NR6A1: variants seen among roughly 807,000 people sequenced by gnomAD.
The protein encoded by NR6A1 is nuclear receptor subfamily 6 group A member 1.
Under a neutral mutation model 59.1 loss-of-function variants are expected in NR6A1, and 7 were observed. That is an observed-to-expected ratio of 0.12 (90% CI 0.07 to 0.22). The LOEUF (loss-of-function observed/expected upper bound fraction) is 0.22. NR6A1 is among the 10% of genes least tolerant of loss of function. The pLI is 1.00. For missense variants in NR6A1, 468 were observed against 611.6 expected, an observed-to-expected ratio of 0.77 and a Z score of 2.48; for synonymous variants, 243 against 236.1, an observed-to-expected ratio of 1.03 and a Z score of -0.27.
chr9:124,561,914 A>T (rs941754233), intron 2 of NR6A1, among the ~76,000 whole-genome samples: 3 of 152,220 alleles, frequency 2.0e-5, no homozygotes, highest in Admixed American at 6.5e-5. Flanking sequence ...TCCGTCTCAA[A>T]AAATAAATAA....
At chr9:124,568,169 C>CA (rs34652433) in intron 2 of NR6A1, among the ~76,000 whole-genome samples, 1,372 of 30,394 alleles carry the variant, frequency 0.045, 253 homozygotes, top group East Asian at 0.13. Flanking sequence ...TACTTCATCT[C>CA]AAAAAAAAAA....
intron 1 of NR6A1, among the ~76,000 whole-genome samples, chr9:124,768,591 T>C (rs1841006818): frequency 6.6e-6 from 1 of 152,198 alleles, no homozygotes; most frequent in African/African-American, 2.4e-5. Flanking sequence ...AAAGAAAACA[T>C]CTGTACCACT....
At chr9:124,767,328 G>C (rs1840962897) in intron 1 of NR6A1, among the ~76,000 whole-genome samples, 4 of 151,978 alleles carry the variant, frequency 2.6e-5, no homozygotes, top group Admixed American at 2.6e-4. Context: ...TTATAGATTA[G>C]GAATCATGTC....
At chr9:124,735,392 G>A (rs1839994975) in intron 1 of NR6A1, among the ~76,000 whole-genome samples, 2 of 152,202 alleles carry the variant, frequency 1.3e-5, no homozygotes, top group South Asian at 2.1e-4. Flanking sequence ...CAAGGCTAGG[G>A]ACTGACTGTG....
intron 4 of NR6A1, among the ~76,000 whole-genome samples, chr9:124,541,362 A>G (rs528242762): frequency 1.3e-5 from 2 of 152,316 alleles, no homozygotes; most frequent in East Asian, 3.9e-4. Context: ...AATGACCAAT[A>G]GGTATATAAA....
At chr9:124,631,399 C>T (rs752280754) in intron 2 of NR6A1, among the ~76,000 whole-genome samples, 16 of 152,114 alleles carry the variant, frequency 1.1e-4, no homozygotes, top group Admixed American at 4.6e-4. Flanking sequence ...AATCTATATA[C>T]AAAATGGTAC....
At chr9:124,557,717 T>C (rs1048712411) in intron 2 of NR6A1, among the ~76,000 whole-genome samples, 3 of 152,206 alleles carry the variant, frequency 2.0e-5, no homozygotes, top group Non-Finnish European at 4.4e-5. Context: ...TGGGATTTCC[T>C]AGAGTGCTGA....
Position 124,538,319 on chromosome 9 carries a change from A to C in NR6A1, c.597T>G (p.Ser199Arg), listed in dbSNP as rs1396744718. 1 of 1,611,400 alleles carries C rather than the reference A, an allele frequency of 6.2e-7. No individual in the cohort carries two copies. Among genetic ancestry groups the C allele is most frequent in the African/African-American group, 1.3e-5 (1 of 74,884 alleles). ...TGAATCCATTCAGTTCCACAGACCTACTGGAGAGAAAAGTCTTGCGTCAAA... is the reference window on the plus strand; with the variant it reads ...TGAATCCATTCAGTTCCACAGACCTCCTGGAGAGAAAAGTCTTGCGTCAAA... ...QPSPGSTLSS[S>R]RSVELNGFMA... Residue 199 changes from serine (S) to arginine (R), a missense_variant and splice_region_variant, in exon 6 of 10, where the codon AGT becomes AGG. This residue lies in a region of NR6A1 where 151 missense variants were observed against 142.8 expected (regional missense o/e 1.06). Transcript: ENST00000487099.
rs62581825 is a variant in NR6A1, at chr9:124,716,654, C to G, written c.142+16654G>C. The stretch of plus-strand genomic sequence containing the variant: ...TTTTATTTATTTATGTTTTTTGAGA[C>G]CAAGTCCCGTTCTGTCATCCAGGCT... On this transcript the variant is annotated intron_variant, in intron 2 of 9. Transcript: ENST00000487099. Among the ~76,000 whole-genome samples the G allele has an allele frequency of 5.8e-3, 880 of 152,194 alleles. 4 individuals carry two copies. The highest frequency in any genetic ancestry group is 0.01 in the Middle Eastern group (3 of 294).
chr9:124,622,130 C>T (rs189493066), intron 2 of NR6A1, among the ~76,000 whole-genome samples: 30 of 152,272 alleles, frequency 2.0e-4, no homozygotes, highest in African/African-American at 7.2e-4. Context: ...GTGAGAGGAT[C>T]GCTTGAGCCT....
chr9:124,560,065 A>T (rs978509346), intron 2 of NR6A1, among the ~76,000 whole-genome samples: 1 of 152,226 alleles, frequency 6.6e-6, no homozygotes, highest in Non-Finnish European at 1.5e-5. Flanking sequence ...TCTTGGTTAC[A>T]CAACCAATCA....
intron 2 of NR6A1, among the ~76,000 whole-genome samples, chr9:124,631,023 C>T (rs1159013715): frequency 6.6e-6 from 1 of 151,654 alleles, no homozygotes; most frequent in Non-Finnish European, 1.5e-5. Context: ...AATACCATCC[C>T]TTATCTTTTA....
rs149820020 is a variant in NR6A1 at position 124,740,480 on chromosome 9, C to T, written c.101-7131G>A. ...GTTTTAAACATGAGATACAGTGACACAGGGCTTGTAGGACTAAGAAAGCCA... is the reference window on the plus strand; with the variant it reads ...GTTTTAAACATGAGATACAGTGACATAGGGCTTGTAGGACTAAGAAAGCCA... On this transcript the variant is annotated intron_variant, in intron 1 of 9. Transcript: ENST00000487099. 1.1e-3 allele frequency among the ~76,000 whole-genome samples: 167 copies of T among 152,300 alleles called. No homozygotes were observed. In the Middle Eastern group the frequency reaches 0.014, roughly 12 times the overall value.
At chr9:124,646,931 A>G (rs1836945186) in intron 2 of NR6A1, among the ~76,000 whole-genome samples, 1 of 152,194 alleles carries the variant, frequency 6.6e-6, no homozygotes, top group Non-Finnish European at 1.5e-5. Flanking sequence ...TAAATTTTTT[A>G]ACAGATAGAA....
chr9:124,563,932 C>T (rs1274221355), intron 2 of NR6A1, among the ~76,000 whole-genome samples: 1 of 151,926 alleles, frequency 6.6e-6, no homozygotes, highest in Non-Finnish European at 1.5e-5. Context: ...ACAAATTAGC[C>T]AGGCATGGTG....
chr9:124,631,009 TAAG>T (rs2130881155), intron 2 of NR6A1, among the ~76,000 whole-genome samples: 1 of 151,862 alleles, frequency 6.6e-6, no homozygotes, highest in South Asian at 2.1e-4. Context: ...TCACATAAAA[TAAG>T]AATACCATCC....
At chr9:124,754,937 A>AC (rs1396344093) in intron 1 of NR6A1, among the ~76,000 whole-genome samples, 1 of 151,746 alleles carries the variant, frequency 6.6e-6, no homozygotes, top group South Asian at 2.1e-4. Context: ...CAGTATCTCC[A>AC]CCCCCCTTCC....
chr9:124,689,065 C>A (rs1045283467), intron 2 of NR6A1, among the ~76,000 whole-genome samples: 1 of 152,078 alleles, frequency 6.6e-6, no homozygotes, highest in Non-Finnish European at 1.5e-5. Flanking sequence ...ACATACAATA[C>A]AACAGCTAGT....
At chr9:124,662,836 G>A (rs1302395749) in intron 2 of NR6A1, among the ~76,000 whole-genome samples, 1 of 152,170 alleles carries the variant, frequency 6.6e-6, no homozygotes, top group African/African-American at 2.4e-5. Context: ...TTATACTTAG[G>A]GATGTAGGGT....
Sources: allele counts gnomAD v4.1 joint callset (sites outside exome capture counted in the v4.1 genomes callset), GRCh38; gene constraint gnomAD v4.1.1; regional missense constraint gnomAD v4.1.1; transcripts MANE v1.5; gene names NCBI Gene and HGNC (gene_info 2026-07-23, HGNC 2026-07-21).